SGCG: variants seen among roughly 807,000 people sequenced by gnomAD.
SGCG encodes the protein gamma-sarcoglycan.
A neutral mutation model predicts 29.3 loss-of-function variants in SGCG; 26 were observed. The ratio of observed to expected loss-of-function variants is 0.89; its 90% CI spans 0.65 to 1.23. The LOEUF (loss-of-function observed/expected upper bound fraction) is 1.23, where lower values mean the gene tolerates loss of function less well. SGCG is among the 50% of genes most tolerant of loss of function. The probability of loss-of-function intolerance (pLI) is 0.00; values close to 1 mark genes in which losing one functional copy is unlikely to be tolerated. For missense variants in SGCG, 353 were observed against 356.0 expected (o/e 0.99, Z 0.07); for synonymous variants, 145 against 129.7 (o/e 1.12, Z -0.80).
intron 4 of SGCG, among the ~76,000 whole-genome samples, chr13:23,276,853 A>C (rs1044585989): frequency 6.6e-5 from 10 of 152,174 alleles, no homozygotes; most frequent in Admixed American, 6.5e-4. Flanking sequence ...TTGCATCCCA[A>C]TGCTTAGCAA....
At chr13:23,183,888 G>C (rs1333788223) in intron 1 of SGCG, among the ~76,000 whole-genome samples, 1 of 151,824 alleles carries the variant, frequency 6.6e-6, no homozygotes, top group Non-Finnish European at 1.5e-5. Flanking sequence ...GGATGGTCTC[G>C]ATCTGCTGAC....
chr13:23,211,072 G>A (rs1176701635), intron 2 of SGCG, among the ~76,000 whole-genome samples: 2 of 152,192 alleles, frequency 1.3e-5, no homozygotes, highest in Non-Finnish European at 2.9e-5. Context: ...AAGCTGATTG[G>A]AGGGTACTGG....
intron 4 of SGCG, among the ~76,000 whole-genome samples, chr13:23,277,474 C>CA (rs1881124799): frequency 2.6e-5 from 4 of 151,420 alleles, no homozygotes; most frequent in Non-Finnish European, 5.9e-5. Flanking sequence ...GCACTCTTGC[C>CA]AAAAATATTT....
chr13:23,214,992 T>A (rs1878372312), intron 2 of SGCG, among the ~76,000 whole-genome samples: 1 of 152,228 alleles, frequency 6.6e-6, no homozygotes, highest in South Asian at 2.1e-4. Context: ...ATTATCGGTG[T>A]CTAAAGATAC....
intron 5 of SGCG, among the ~76,000 whole-genome samples, chr13:23,287,390 G>A (rs897251223): frequency 7.7e-6 from 1 of 129,322 alleles, no homozygotes; most frequent in African/African-American, 2.6e-5. Flanking sequence ...CCTCAGTCTT[G>A]CAAGCACAAA....
chr13:23,279,183 G>C (rs1360349495), intron 4 of SGCG, among the ~76,000 whole-genome samples, 176 bp from the exon 5 acceptor site: 2 of 152,128 alleles, frequency 1.3e-5, no homozygotes, highest in Admixed American at 6.5e-5. Flanking sequence ...TAATACAATA[G>C]ATTTAGACTT....
intron 1 of SGCG, among the ~76,000 whole-genome samples, chr13:23,189,307 G>C (rs1285948674): frequency 1.3e-5 from 2 of 152,182 alleles, no homozygotes; most frequent in Non-Finnish European, 2.9e-5. Context: ...CTCCTGAGTA[G>C]CTGGGACTAT....
the SGCG span, among the ~76,000 whole-genome samples, chr13:23,174,496 G>A: frequency 3.3e-5 from 5 of 151,718 alleles, no homozygotes; most frequent in East Asian, 9.7e-4. Context: ...TACATTTCAA[G>A]GAAAAAAAAT....
rs184424587 is a variant in SGCG at position 23,234,584 on chromosome 13, G to A, written c.196-27G>A. 3.0e-4 allele frequency: 414 copies of A among 1,397,976 alleles called. 2 individuals carry two copies. Among genetic ancestry groups the A allele is most frequent in the Middle Eastern group, 1.9e-3 (11 of 5,674 alleles). The allele number at this position is 1,397,976 out of a possible 1,614,324, so 86.6% of individuals were successfully genotyped here. ...GAAAAAGCAAGCAATAAAAATATAC[G>A]CATTGTCTCTTTTTTTTTTTTAACA... On this transcript the variant is annotated intron_variant, in intron 2 of 7. Transcript: ENST00000218867.
At chr13:23,229,944 T>C (rs1264744758) in intron 2 of SGCG, among the ~76,000 whole-genome samples, 1 of 152,250 alleles carries the variant, frequency 6.6e-6, no homozygotes, top group Non-Finnish European at 1.5e-5. Flanking sequence ...TTAATCCATC[T>C]TGAGTTGATT....
In SGCG at chr13:23,269,883, GT is replaced by G. The variant is rs140082158; in HGVS notation, c.386-9467del. Among the ~76,000 whole-genome samples, 7 of 117,046 alleles carry G rather than the reference GT, an allele frequency of 6.0e-5. No individual in the cohort carries two copies. The East Asian group carries it at 1.0e-3, about 17-fold the overall frequency. The allele number at this position is 117,046 out of a possible 152,430, so 76.8% of individuals were successfully genotyped here. On this transcript the variant is annotated intron_variant, in intron 4 of 7. Coordinates refer to ENST00000218867, the MANE Select transcript of SGCG (RefSeq NM_000231.3). ...TTTTTTTGTTTTTTTTGTTTTTTTT[GT>G]TTTTTTTTGAGGCGGAGTCTCCCTC... is the stretch of plus-strand genomic sequence containing the variant.
chr13:23,303,072 A>G (rs1882226511), intron 6 of SGCG, among the ~76,000 whole-genome samples: 1 of 152,246 alleles, frequency 6.6e-6, no homozygotes, highest in Non-Finnish European at 1.5e-5. Context: ...TAATCACTGT[A>G]GTCATTCAAT....
intron 4 of SGCG, among the ~76,000 whole-genome samples, chr13:23,264,620 T>A (rs1198523633): frequency 6.6e-6 from 1 of 152,042 alleles, no homozygotes; most frequent in Admixed American, 6.6e-5. Flanking sequence ...AATAGCCAAA[T>A]ACATCCTAAG....
intron 2 of SGCG, among the ~76,000 whole-genome samples, chr13:23,210,337 G>A (rs554374460): frequency 7.9e-5 from 12 of 152,172 alleles, no homozygotes; most frequent in African/African-American, 2.6e-4. Flanking sequence ...TATTTATTGT[G>A]AAAAAAGATT....
At chr13:23,174,715 A>G in the SGCG span, among the ~76,000 whole-genome samples, 1 of 152,238 alleles carries the variant, frequency 6.6e-6, no homozygotes, top group African/African-American at 2.4e-5. Context: ...AGTAGATTCC[A>G]TTTGGAACTG....
intron 7 of SGCG, 111 bp downstream of exon 7, chr13:23,320,871 G>A (rs2137528509): frequency 8.6e-7 from 1 of 1,160,786 alleles, no homozygotes; most frequent in South Asian, 1.2e-5. Context: ...GGAAAACATT[G>A]TGAAGGTCAT....
At chr13:23,169,055 A>G in the SGCG span, among the ~76,000 whole-genome samples, 1 of 151,498 alleles carries the variant, frequency 6.6e-6, no homozygotes, top group South Asian at 2.1e-4. Flanking sequence ...ATATATATAA[A>G]TATATTTTTT....
At chr13:23,318,259 CCTGA>C (rs200127742) in intron 6 of SGCG, among the ~76,000 whole-genome samples, 3 of 151,274 alleles carry the variant, frequency 2.0e-5, no homozygotes, top group East Asian at 2.0e-4. Context: ...TCTAGGGAAC[CCTGA>C]CTAATACACC....
At chr13:23,303,722 C>T (rs377139087) in intron 6 of SGCG, among the ~76,000 whole-genome samples, 2 of 152,176 alleles carry the variant, frequency 1.3e-5, no homozygotes, top group African/African-American at 4.8e-5. Flanking sequence ...GGTAAATTTT[C>T]ATATTGTTGG....
Sources: gnomAD v4.1 joint callset for allele counts (sites outside exome capture counted in the v4.1 genomes callset) on GRCh38, gnomAD v4.1.1 for gene constraint, MANE v1.5 for transcripts, NCBI Gene and HGNC (gene_info 2026-07-23, HGNC 2026-07-21) for gene names.